MACROD2: variants seen among roughly 807,000 people sequenced by gnomAD.
MACROD2 encodes ADP-ribose glycohydrolase MACROD2.
A neutral mutation model predicts 70.4 loss-of-function variants in MACROD2; 36 were observed. The observed-to-expected ratio is 0.51, with a 90% CI of 0.39 to 0.68. The LOEUF (loss-of-function observed/expected upper bound fraction) is 0.68. Among genes scored for constraint, MACROD2 ranks in the 30% least tolerant of loss-of-function variants. The pLI is 0.00. For synonymous variants in MACROD2, 172 were observed against 178.8 expected (o/e 0.96, Z 0.30); for missense variants, 496 against 538.4 (o/e 0.92, Z 0.78).
At chr20:14,527,165 C>G (rs968822947) in intron 4 of MACROD2, among the ~76,000 whole-genome samples, 1 of 152,202 alleles carries the variant, frequency 6.6e-6, no homozygotes, top group Non-Finnish European at 1.5e-5. Context: ...GGCCTGCCGA[C>G]GTCTGTCAGT....
chr20:14,448,002 G>GTGTGTC (rs1445610925), intron 3 of MACROD2, among the ~76,000 whole-genome samples: 1 of 151,026 alleles, frequency 6.6e-6, no homozygotes, highest in African/African-American at 2.4e-5. Context: ...GTGTGTGTGT[G>GTGTGTC]TGTGTCTGTG....
intron 3 of MACROD2, among the ~76,000 whole-genome samples, chr20:14,373,397 A>T (rs2083344064): frequency 6.6e-6 from 1 of 152,190 alleles, no homozygotes; most frequent in Non-Finnish European, 1.5e-5. Flanking sequence ...ATATACAAAA[A>T]TAATGGCAAA....
chr20:15,547,679 C>T (rs1382094029), intron 8 of MACROD2, among the ~76,000 whole-genome samples: 1 of 152,140 alleles, frequency 6.6e-6, no homozygotes, highest in Non-Finnish European at 1.5e-5. Flanking sequence ...AGCATTTAGT[C>T]GTTCTCCTCT....
intron 8 of MACROD2, among the ~76,000 whole-genome samples, chr20:15,832,404 C>G (rs2064066378): frequency 6.6e-6 from 1 of 152,138 alleles, no homozygotes; most frequent in Non-Finnish European, 1.5e-5. Context: ...GGCAGGAAAC[C>G]ATTACCAGCC....
At chr20:15,079,330 A>G (rs1417017637) in intron 5 of MACROD2, among the ~76,000 whole-genome samples, 2 of 151,630 alleles carry the variant, frequency 1.3e-5, no homozygotes, top group Admixed American at 1.3e-4. Context: ...TCCATCACCT[A>G]AGCCCCCCAG....
At chr20:14,127,221 T>A (rs970128443) in intron 3 of MACROD2, among the ~76,000 whole-genome samples, 2 of 152,174 alleles carry the variant, frequency 1.3e-5, no homozygotes, top group Non-Finnish European at 2.9e-5. Flanking sequence ...GGATAGATGA[T>A]CAAATCAGCC....
chr20:14,685,288 G>A (rs1393791979), intron 5 of MACROD2, among the ~76,000 whole-genome samples: 1 of 152,138 alleles, frequency 6.6e-6, no homozygotes, highest in African/African-American at 2.4e-5. Context: ...GTGCCACAGA[G>A]TGACAGCTCC....
intron 3 of MACROD2, among the ~76,000 whole-genome samples, chr20:14,353,209 A>G (rs6079396): frequency 0.42 from 63,276 of 151,904 alleles, 14,274 homozygotes; most frequent in Non-Finnish European, 0.51. Context: ...ATAGTGGGTT[A>G]CCTTGGTCTC....
intron 7 of MACROD2, among the ~76,000 whole-genome samples, chr20:15,447,736 T>C (rs558347663): frequency 1.0e-3 from 154 of 152,240 alleles, no homozygotes; most frequent in African/African-American, 3.5e-3. Flanking sequence ...CCCCAGGAAA[T>C]GCTATGTTTG....
intron 5 of MACROD2, among the ~76,000 whole-genome samples, chr20:14,987,214 AC>A (rs2122857134): frequency 6.6e-6 from 1 of 152,264 alleles, no homozygotes; most frequent in African/African-American, 2.4e-5. Context: ...CACAAATCTA[AC>A]AATTGATTTG....
At chr20:14,898,003 T>G (rs1390551050) in intron 5 of MACROD2, among the ~76,000 whole-genome samples, 1 of 151,926 alleles carries the variant, frequency 6.6e-6, no homozygotes, top group African/African-American at 2.4e-5. Flanking sequence ...TCTTGGGAGG[T>G]AGGATTTCAA....
At chr20:15,264,582 A>G (rs1241896942) in intron 6 of MACROD2, among the ~76,000 whole-genome samples, 1 of 152,178 alleles carries the variant, frequency 6.6e-6, no homozygotes, top group Non-Finnish European at 1.5e-5. Flanking sequence ...GCAACAAGCT[A>G]TGAATGGGTG....
At chr20:15,102,219 C>T (rs1299522904) in intron 5 of MACROD2, among the ~76,000 whole-genome samples, 7 of 151,794 alleles carry the variant, frequency 4.6e-5, no homozygotes, top group South Asian at 2.1e-4. Context: ...GAAAAACGTT[C>T]GATCTCATTA....
At chr20:14,777,725 G>A (rs977423757) in intron 5 of MACROD2, among the ~76,000 whole-genome samples, 1 of 151,960 alleles carries the variant, frequency 6.6e-6, no homozygotes, top group African/African-American at 2.4e-5. Context: ...AAACATAAAA[G>A]GCTAAGAAAA....
intron 3 of MACROD2, among the ~76,000 whole-genome samples, chr20:14,130,629 G>A (rs2054705172): frequency 6.6e-6 from 1 of 152,134 alleles, no homozygotes; most frequent in Admixed American, 6.6e-5. Flanking sequence ...TATTTTAATG[G>A]CCTGAAGAGA....
chr20:15,859,350 G>A (rs1233938688), intron 8 of MACROD2, among the ~76,000 whole-genome samples: 1 of 152,088 alleles, frequency 6.6e-6, no homozygotes, highest in Non-Finnish European at 1.5e-5. Flanking sequence ...GACCTGTGCA[G>A]CTCAAACCTG....
In MACROD2 at chr20:14,744,363, T is replaced by A. The variant is rs149509840; in HGVS notation, c.418+59404T>A. Among the ~76,000 whole-genome samples the A allele has an allele frequency of 3.8e-3, 579 of 152,352 alleles. 8 individuals are homozygous for A. The highest frequency in any genetic ancestry group is 5.8e-3 in the Non-Finnish European group (394 of 68,036). Reference sequence around the variant, plus strand: ...CGTATAAAATTGTATGTATTTACCATGTACAACATATTGTTTGGAAGTATA... The same window carrying A: ...CGTATAAAATTGTATGTATTTACCAAGTACAACATATTGTTTGGAAGTATA... On this transcript the variant is annotated intron_variant, in intron 5 of 17. Coordinates refer to ENST00000684519, the MANE Select transcript of MACROD2 (RefSeq NM_001351661.2).
At chr20:15,377,062 T>A (rs1429125746) in intron 6 of MACROD2, among the ~76,000 whole-genome samples, 1 of 152,054 alleles carries the variant, frequency 6.6e-6, no homozygotes, top group Non-Finnish European at 1.5e-5. Context: ...GGCTAATTTT[T>A]TGTATTTTTA....
chr20:15,120,704 C>T (rs1015120178), intron 5 of MACROD2, among the ~76,000 whole-genome samples: 2 of 152,160 alleles, frequency 1.3e-5, no homozygotes, highest in African/African-American at 2.4e-5. Context: ...TTTCTTTCTG[C>T]CCTTTGCTGA....
Sources: gnomAD v4.1 joint callset for allele counts (sites outside exome capture counted in the v4.1 genomes callset) on GRCh38, gnomAD v4.1.1 for gene constraint, MANE v1.5 for transcripts, NCBI Gene and HGNC (gene_info 2026-07-23, HGNC 2026-07-21) for gene names.